The following KCNT2 variants were observed in gnomAD, a reference collection of about 807,000 sequenced individuals.
KCNT2 encodes potassium sodium-activated channel subfamily T member 2.
In KCNT2, 67 loss-of-function variants were observed where a neutral mutation model predicts 153.8. The observed-to-expected ratio is 0.44, with a 90% CI of 0.36 to 0.53. The LOEUF (loss-of-function observed/expected upper bound fraction) is 0.53. KCNT2 is among the 20% of genes least tolerant of loss of function. The probability of loss-of-function intolerance (pLI) is 0.00; values close to 1 mark genes in which losing one functional copy is unlikely to be tolerated. For synonymous variants in KCNT2, 500 were observed against 458.8 expected, an observed-to-expected ratio of 1.09 and a Z score of -1.15; for missense variants, 975 against 1,354.8, an observed-to-expected ratio of 0.72 and a Z score of 4.40.
At chr1:196,302,639 G>A (rs944865404) in intron 22 of KCNT2, among the ~76,000 whole-genome samples, 4 of 151,744 alleles carry the variant, frequency 2.6e-5, no homozygotes, top group African/African-American at 9.7e-5. Flanking sequence ...ATGTCAGTGA[G>A]CCATAAATTA....
chr1:196,232,142 C>T (rs922399720), intron 27 of KCNT2, among the ~76,000 whole-genome samples: 1 of 151,760 alleles, frequency 6.6e-6, no homozygotes, highest in Middle Eastern at 3.4e-3. Flanking sequence ...GTTCTTGGAC[C>T]TATTAACTGG....
At chr1:196,482,267 A>T in intron 4 of KCNT2, 64 bp downstream of exon 4, 1 of 1,004,226 alleles carries the variant, frequency 1.0e-6, no homozygotes, top group Non-Finnish European at 1.5e-6. Flanking sequence ...GCTCTCCAAT[A>T]GTACTTCTCT....
chr1:196,244,591 G>A (rs1267026611), intron 26 of KCNT2, among the ~76,000 whole-genome samples: 1 of 152,148 alleles, frequency 6.6e-6, no homozygotes, highest in Non-Finnish European at 1.5e-5. Flanking sequence ...GAGTGGTGGT[G>A]GCCACAGGGA....
At chr1:196,452,646 T>C (rs550160765) in intron 8 of KCNT2, among the ~76,000 whole-genome samples, 6 of 152,102 alleles carry the variant, frequency 3.9e-5, no homozygotes, top group South Asian at 2.1e-4. Flanking sequence ...AGAGGCACTA[T>C]TGGCAGACTG....
chr1:196,242,626 T>C (rs1307449773), intron 26 of KCNT2, among the ~76,000 whole-genome samples: 3 of 152,300 alleles, frequency 2.0e-5, no homozygotes, highest in Non-Finnish European at 2.9e-5. Context: ...ATTATTTTTG[T>C]GTTCGATTAA....
intron 14 of KCNT2, among the ~76,000 whole-genome samples, chr1:196,346,549 C>G (rs1477797442): frequency 6.6e-6 from 1 of 152,082 alleles, no homozygotes; most frequent in Non-Finnish European, 1.5e-5. Context: ...ATTATTGTAA[C>G]TGCACATTAT....
intron 22 of KCNT2, among the ~76,000 whole-genome samples, chr1:196,295,625 A>G (rs1437881282): frequency 6.6e-6 from 1 of 152,008 alleles, no homozygotes; most frequent in African/African-American, 2.4e-5. Flanking sequence ...ATTAAGGAGG[A>G]TATTCCACTC....
chr1:196,502,994 T>C (rs911477105), intron 1 of KCNT2, among the ~76,000 whole-genome samples: 2 of 151,730 alleles, frequency 1.3e-5, no homozygotes, highest in African/African-American at 4.8e-5. Flanking sequence ...AGCCAAGCCA[T>C]TAAAAAGAGA....
intron 1 of KCNT2, among the ~76,000 whole-genome samples, chr1:196,525,578 A>G (rs2148833133): frequency 6.6e-6 from 1 of 152,338 alleles, no homozygotes; most frequent in African/African-American, 2.4e-5. Context: ...GGCCTGCTCT[A>G]GAAAGTGCTA....
intron 27 of KCNT2, among the ~76,000 whole-genome samples, chr1:196,232,296 T>G (rs1654024317): frequency 6.6e-6 from 1 of 151,756 alleles, no homozygotes; most frequent in Non-Finnish European, 1.5e-5. Flanking sequence ...AAATTAATGT[T>G]GCTTCTTCAT....
chr1:196,489,759 A>G, intron 3 of KCNT2, 79 bp downstream of exon 3: 1 of 823,780 alleles, frequency 1.2e-6, no homozygotes, highest in South Asian at 1.6e-5. Context: ...GCTCTACACA[A>G]CATGCTTTAA....
At chr1:196,368,455 A>G (rs1668227798) in intron 14 of KCNT2, among the ~76,000 whole-genome samples, 1 of 152,208 alleles carries the variant, frequency 6.6e-6, no homozygotes, top group Non-Finnish European at 1.5e-5. Flanking sequence ...CGATTAATGA[A>G]CAAACCTAAT....
At chr1:196,242,416 C>A (rs960880354) in intron 26 of KCNT2, among the ~76,000 whole-genome samples, 4 of 151,398 alleles carry the variant, frequency 2.6e-5, no homozygotes, top group Non-Finnish European at 2.9e-5. Context: ...ATAATTGGAC[C>A]CATTGATTTA....
intron 8 of KCNT2, among the ~76,000 whole-genome samples, chr1:196,439,170 T>C (rs567471587): frequency 1.3e-5 from 2 of 152,076 alleles, no homozygotes; most frequent in South Asian, 4.1e-4. Context: ...TTTAGTTTTA[T>C]ATGAATGTCC....
intron 23 of KCNT2, 52 bp from the exon 24 acceptor site, chr1:196,282,408 G>T: frequency 1.1e-6 from 1 of 877,572 alleles, no homozygotes; most frequent in Non-Finnish European, 1.9e-6. Flanking sequence ...TATATAATGT[G>T]TATGAGATGT....
intron 12 of KCNT2, among the ~76,000 whole-genome samples, chr1:196,416,681 A>G (rs1672781003): frequency 6.6e-6 from 1 of 152,120 alleles, no homozygotes; most frequent in Non-Finnish European, 1.5e-5. Flanking sequence ...AGTAAAAGTA[A>G]GACAGAATAA....
At position 196,593,458 on chromosome 1, in the gene KCNT2, ATGTGCAAGTATCTTTTTGTATAATG is replaced by A. The variant is rs1359434236; in HGVS notation, c.95+14732_95+14756del. 2.6e-5 allele frequency among the ~76,000 whole-genome samples: 4 copies of A among 151,904 alleles called. No individual in the cohort carries two copies. The East Asian group carries it at 7.7e-4, about 29-fold the overall frequency. ...GTGAATTGTGCTGCTATGAACATGC[ATGTGCAAGTATCTTTTTGTATAATG>A]ACTTCTCTTCCTCTGGGTAGATACC... is the stretch of plus-strand genomic sequence containing the variant. On this transcript the variant is annotated intron_variant, in intron 1 of 27. Coordinates refer to ENST00000294725, the MANE Select transcript of KCNT2 (RefSeq NM_198503.5).
intron 18 of KCNT2, 59 bp downstream of exon 18, chr1:196,331,097 G>A (rs1424579327): frequency 2.2e-6 from 2 of 894,218 alleles, no homozygotes; most frequent in South Asian, 1.4e-5. Flanking sequence ...CTTAAATTAT[G>A]TAACTATAAA....
At chr1:196,272,610 G>A (rs1658175384) in intron 25 of KCNT2, among the ~76,000 whole-genome samples, 1 of 151,804 alleles carries the variant, frequency 6.6e-6, no homozygotes, top group Admixed American at 6.6e-5. Flanking sequence ...ACCCAGCTTT[G>A]CCATCTATCA....
Sources: allele counts gnomAD v4.1 joint callset (sites outside exome capture counted in the v4.1 genomes callset), GRCh38; gene constraint gnomAD v4.1.1; transcripts MANE v1.5; gene names NCBI Gene and HGNC (gene_info 2026-07-23, HGNC 2026-07-21).